PICALM: variants seen among roughly 807,000 people sequenced by gnomAD.
PICALM encodes the protein phosphatidylinositol-binding clathrin assembly protein.
Under a neutral mutation model 80.5 loss-of-function variants are expected in PICALM, and 40 were observed. That is an observed-to-expected ratio of 0.50 (90% confidence interval 0.39 to 0.65). The LOEUF is 0.65. Ranked by LOEUF, PICALM falls within the 30% of genes least tolerant of loss-of-function variation. The pLI is 0.00. For synonymous variants in PICALM, 288 were observed against 260.3 expected, an observed-to-expected ratio of 1.11 and a Z score of -1.02; for missense variants, 676 against 778.9, an observed-to-expected ratio of 0.87 and a Z score of 1.57.
At chr11:85,992,279 GTTTTGT>G (rs1223223957) in intron 12 of PICALM, among the ~76,000 whole-genome samples, 2 of 124,938 alleles carry the variant, frequency 1.6e-5, no homozygotes, top group African/African-American at 6.3e-5. Context: ...TTCTGGGTGT[GTTTTGT>G]TTTTTTTTTT....
chr11:85,968,733 C>A (rs755165799), intron 19 of PICALM, among the ~76,000 whole-genome samples: 4 of 151,952 alleles, frequency 2.6e-5, no homozygotes, highest in Non-Finnish European at 5.9e-5. Flanking sequence ...TACCAAGTAA[C>A]CAAATAGTAA....
chr11:85,960,524 A>G (rs1245768908), intron 19 of PICALM, among the ~76,000 whole-genome samples: 1 of 152,228 alleles, frequency 6.6e-6, no homozygotes, highest in East Asian at 1.9e-4. Flanking sequence ...CTATCTTTTC[A>G]TTCTGCACCT....
chr11:86,018,956 G>A (rs564317432), intron 4 of PICALM, among the ~76,000 whole-genome samples: 1 of 151,868 alleles, frequency 6.6e-6, no homozygotes, highest in African/African-American at 2.4e-5. Flanking sequence ...AAAATACACA[G>A]GAGGGGAAGA....
intron 16 of PICALM, 92 bp from the exon 17 acceptor site, chr11:85,981,320 T>C (rs1565272098): frequency 2.6e-6 from 2 of 773,174 alleles, no homozygotes; most frequent in East Asian, 5.5e-5. Context: ...AGATAGAGAC[T>C]TGAGGCTGGG....
intron 19 of PICALM, among the ~76,000 whole-genome samples, chr11:85,970,899 G>A (rs1038393145): frequency 3.3e-5 from 5 of 152,104 alleles, no homozygotes; most frequent in African/African-American, 7.2e-5. Flanking sequence ...TTTACAAAAC[G>A]GATTAAATCG....
At chr11:85,965,807 G>GTTTTTTTTTTTTTTTTTTTTTTT in intron 19 of PICALM, among the ~76,000 whole-genome samples, 1 of 79,256 alleles carries the variant, frequency 1.3e-5, no homozygotes. Context: ...TACCCATTTT[G>GTTTTTTTTTTTTTTTTTTTTTTT]TTTTTTTGTT....
intron 4 of PICALM, among the ~76,000 whole-genome samples, chr11:86,016,728 C>A (rs1213603711): frequency 5.3e-5 from 8 of 152,192 alleles, no homozygotes; most frequent in African/African-American, 1.9e-4. Flanking sequence ...GAATACTCAA[C>A]ATTGCCAGCA....
At chr11:85,980,893 CATT>C (rs540142695) in intron 17 of PICALM, among the ~76,000 whole-genome samples, 224 of 152,192 alleles carry the variant, frequency 1.5e-3, no homozygotes, top group Admixed American at 2.5e-3. Context: ...AAAAATAAAA[CATT>C]ATTATTTACT....
chr11:86,049,505 A>G (rs1392318160), intron 1 of PICALM, among the ~76,000 whole-genome samples: 1 of 152,172 alleles, frequency 6.6e-6, no homozygotes, highest in African/African-American at 2.4e-5. Context: ...GCCTGAAATA[A>G]AGCCAGTAAC....
At chr11:86,005,872 G>GA (rs2136184550) in intron 8 of PICALM, among the ~76,000 whole-genome samples, 1 of 151,690 alleles carries the variant, frequency 6.6e-6, no homozygotes, top group South Asian at 2.1e-4. Context: ...GTTCACTTTT[G>GA]AAAATTTTCT....
intron 1 of PICALM, among the ~76,000 whole-genome samples, chr11:86,043,175 C>A (rs914567023): frequency 6.6e-6 from 1 of 152,184 alleles, no homozygotes; most frequent in Non-Finnish European, 1.5e-5. Context: ...GAAATTAATA[C>A]ACTACCAGTA....
chr11:86,000,022 C>G (rs1299151436), intron 11 of PICALM, among the ~76,000 whole-genome samples: 1 of 152,176 alleles, frequency 6.6e-6, no homozygotes, highest in African/African-American at 2.4e-5. Context: ...ACTAACAGAG[C>G]CAGGATTCAA....
In PICALM at chr11:85,990,277, T is replaced by C. The variant is rs1161712443; in HGVS notation, c.1381A>G (p.Arg461Gly). 5.0e-6 allele frequency: 8 copies of C among 1,605,182 alleles called. No individual in the cohort carries two copies. The highest frequency in any genetic ancestry group is 6.8e-6 in the Non-Finnish European group (8 of 1,173,130). Reference protein sequence around the residue: ...ISSDVSTFTTRTPTHEMFVGF... With the variant: ...ISSDVSTFTTGTPTHEMFVGF... ...ACAAACATTTCATGAGTAGGTGTCC[T>C]AGTAGTAAAAGTAGATACATCTGAA... The change falls in exon 13 of 20, where the codon AGG (arginine) becomes GGG (glycine). Residue 461 changes from arginine (R) to glycine (G), a missense_variant. Physicochemically the swap from Arg to Gly is moderately radical, Grantham distance 125. Coordinates refer to ENST00000393346, the MANE Select transcript of PICALM (RefSeq NM_007166.4).
At chr11:85,978,100 T>A in intron 17 of PICALM, 1 of 1,611,930 alleles carries the variant, frequency 6.2e-7, no homozygotes, top group South Asian at 1.1e-5. Context: ...CATTCTGTTT[T>A]TCCCAGGGAG....
chr11:86,034,282 A>C (rs1434053642), intron 1 of PICALM, among the ~76,000 whole-genome samples: 1 of 152,206 alleles, frequency 6.6e-6, no homozygotes, highest in Non-Finnish European at 1.5e-5. Context: ...TAACTCAGCC[A>C]GTCATTTTCT....
chr11:86,015,551 T>A (rs1281685334), intron 4 of PICALM, among the ~76,000 whole-genome samples: 1 of 152,234 alleles, frequency 6.6e-6, no homozygotes, highest in East Asian at 1.9e-4. Flanking sequence ...ATACTTTCAA[T>A]GGACAGCCTT....
At chr11:86,069,821 AT>A (rs1361133223), upstream of PICALM, 5 of 152,250 alleles carry the variant, frequency 3.3e-5, no homozygotes, top group African/African-American at 1.2e-4. Flanking sequence ...GCCATTCTAA[AT>A]TTAGATACTA....
intron 14 of PICALM, among the ~76,000 whole-genome samples, chr11:85,982,440 A>G (rs1303225905): frequency 1.5e-4 from 1 of 6,868 alleles, no homozygotes; most frequent in Admixed American, 1.0e-3. Context: ...TTTTTTTTTG[A>G]GACGGAGTCT....
intron 4 of PICALM, among the ~76,000 whole-genome samples, chr11:86,020,424 G>GAAAAAAAAAAA (rs34312370): frequency 1.1e-5 from 1 of 94,248 alleles, no homozygotes; most frequent in Non-Finnish European, 2.1e-5. Context: ...ACAATCTTGG[G>GAAAAAAAAAAA]AAAAAAAAAA....
Sources: gnomAD v4.1 joint callset for allele counts (sites outside exome capture counted in the v4.1 genomes callset) on GRCh38, gnomAD v4.1.1 for gene constraint, MANE v1.5 for transcripts, NCBI Gene and HGNC (gene_info 2026-07-23, HGNC 2026-07-21) for gene names.